The following DCUN1D2 variants were observed in gnomAD, a reference collection of about 807,000 sequenced individuals.
DCUN1D2 encodes defective in cullin neddylation 1 domain containing 2.
Under a neutral mutation model 30.9 loss-of-function variants are expected in DCUN1D2, and 29 were observed. That is an observed-to-expected ratio of 0.94 (90% confidence interval 0.70 to 1.28). The LOEUF (loss-of-function observed/expected upper bound fraction) is 1.28, where lower values mean the gene tolerates loss of function less well. DCUN1D2 is among the 50% of genes most tolerant of loss of function. The pLI is 0.00. For missense variants in DCUN1D2, 325 were observed against 316.9 expected (o/e 1.03, Z -0.19); for synonymous variants, 121 against 115.3 (o/e 1.05, Z -0.32).
chr13:113,459,409 C>T lies in DCUN1D2; in HGVS notation c.604-1G>A, dbSNP rs945471601. ...TTGGAATTGATCTTTTGTGATGTTCCTAATATATGAGAGAAAAAAAAAACC... is the reference window on the plus strand; with the variant it reads ...TTGGAATTGATCTTTTGTGATGTTCTTAATATATGAGAGAAAAAAAAAACC... On this transcript the variant is annotated splice_acceptor_variant, in intron 5 of 6. Coordinates refer to ENST00000478244, the MANE Select transcript of DCUN1D2 (RefSeq NM_001014283.2). LOFTEE classifies it high-confidence loss of function. The T allele has an allele frequency of 7.4e-6, 11 of 1,481,036 alleles. No individual in the cohort carries two copies. The highest frequency in any genetic ancestry group is 9.4e-6 in the Non-Finnish European group (10 of 1,063,032). The allele number at this position is 1,481,036 out of a possible 1,614,324, so 91.7% of individuals were successfully genotyped here. A position where few individuals can be genotyped will look rare whatever the true frequency, so the allele number is the denominator to read the frequency against.
intron 1 of DCUN1D2, among the ~76,000 whole-genome samples, chr13:113,487,504 C>G (rs981105161): frequency 6.6e-6 from 1 of 152,230 alleles, no homozygotes; most frequent in African/African-American, 2.4e-5. Flanking sequence ...ACGACTCCAG[C>G]TGCACAGTGT....
chr13:113,486,582 A>G (rs1239248627), intron 1 of DCUN1D2, among the ~76,000 whole-genome samples: 1 of 152,218 alleles, frequency 6.6e-6, no homozygotes, highest in African/African-American at 2.4e-5. Flanking sequence ...ATGCTAGGCA[A>G]TTAACATTTC....
chr13:113,490,358 G>T lies in DCUN1D2; in HGVS notation c.3+309C>A. ...TCGAAGCCGCCCTGGGAAGCCCCCGGCCTGGGTTCCCGCTCGGCCCCGGCC... is the reference window on the plus strand; with the variant it reads ...TCGAAGCCGCCCTGGGAAGCCCCCGTCCTGGGTTCCCGCTCGGCCCCGGCC... On this transcript the variant is annotated intron_variant, in intron 1 of 6. Transcript: ENST00000478244. This position sits in a 1 kb window ranked among gnomAD's most constrained non-coding sequence, Gnocchi z 5.2. 2 of 276,844 alleles carry T rather than the reference G, an allele frequency of 7.2e-6. No individual in the cohort carries two copies. The highest frequency in any genetic ancestry group is 5.4e-5 in the Admixed American group (1 of 18,512). The allele number at this position is 276,844 out of a possible 1,614,324, so 17.1% of individuals were successfully genotyped here. A position where few individuals can be genotyped will look rare whatever the true frequency, so the allele number is the denominator to read the frequency against.
chr13:113,491,276 G>A (rs1383105999), upstream of DCUN1D2: 1 of 152,392 alleles, frequency 6.6e-6, no homozygotes, highest in African/African-American at 2.4e-5. Context: ...GCGTCCCGGT[G>A]AGCACCAGGC....
At chr13:113,484,308 C>G (rs1689219293) in intron 1 of DCUN1D2, 3 of 676,484 alleles carry the variant, frequency 4.4e-6, no homozygotes, top group South Asian at 2.0e-5. Flanking sequence ...ATCCAGTTCA[C>G]TCTGCATGAA....
chr13:113,484,172 T>C, intron 1 of DCUN1D2, 116 bp from the exon 2 acceptor site: 1 of 1,510,630 alleles, frequency 6.6e-7, no homozygotes, highest in Non-Finnish European at 8.8e-7. Flanking sequence ...TTGCTCTTCA[T>C]CAGTTACAAA....
Position 113,490,582 on chromosome 13 carries a change from C to A in DCUN1D2, c.3+85G>T, listed in dbSNP as rs533789986. ...GCGCAGCTCGCTGGGCTCGGCCTCC[C>A]ACATCCAGCGCGCCGCCTGCGCCGA... On this transcript the variant is annotated intron_variant, in intron 1 of 6. Coordinates refer to ENST00000478244, the MANE Select transcript of DCUN1D2 (RefSeq NM_001014283.2). The surrounding 1 kb of genome is among the most constrained non-coding windows in gnomAD (Gnocchi z 5.2). 1.9e-3 allele frequency: 2,256 copies of A among 1,170,802 alleles called. 15 individuals carry two copies. The highest frequency in any genetic ancestry group is 0.015 in the African/African-American group (963 of 62,160). The allele number at this position is 1,170,802 out of a possible 1,614,324, so 72.5% of individuals were successfully genotyped here. A position where few individuals can be genotyped will look rare whatever the true frequency, so the allele number is the denominator to read the frequency against.
intron 4 of DCUN1D2, among the ~76,000 whole-genome samples, chr13:113,471,355 C>T (rs1214820554): frequency 1.3e-5 from 2 of 151,552 alleles, no homozygotes. Flanking sequence ...AGACCCAACT[C>T]CACAGGGGAC....
chr13:113,474,211 C>T lies in DCUN1D2; in HGVS notation c.433G>A (p.Glu145Lys), dbSNP rs1486565542. The change falls in exon 4 of 7, where the codon GAG becomes AAG. Residue 145 changes from glutamate to lysine, a missense_variant. Physicochemically the swap from Glu to Lys is moderately conservative, Grantham distance 56. Transcript: ENST00000478244. ...EKLKALLPRL[E>K]QELKDTAKFK... ...TTGGCTGTGTCCTTCAGCTCCTGCT[C>T]CAGTCTTGGCAGAAGAGCCTTTAGC... The T allele has an allele frequency of 1.2e-6, 2 of 1,614,112 alleles. No individual in the cohort carries two copies. Among genetic ancestry groups the T allele is most frequent in the Non-Finnish European group, 1.7e-6 (2 of 1,179,984 alleles).
rs1355351052 is a variant in DCUN1D2 at position 113,488,519 on chromosome 13, GGA to G, written c.3+2146_3+2147del. 6.6e-6 allele frequency among the ~76,000 whole-genome samples: 1 copy of G among 152,200 alleles called. No individual in the cohort carries two copies. On this transcript the variant is annotated intron_variant, in intron 1 of 6. Coordinates refer to ENST00000478244, the MANE Select transcript of DCUN1D2 (RefSeq NM_001014283.2). The surrounding 1 kb of genome is among the most constrained non-coding windows in gnomAD (Gnocchi z 4.3). ...AAGGGAACTGGCATAAAGCTTCTTAGGAAACAAAAAGGCTCGTCAACTAAAAA... is the reference window on the plus strand; with the variant it reads ...AAGGGAACTGGCATAAAGCTTCTTAGAACAAAAAGGCTCGTCAACTAAAAA...
At chr13:113,487,005 G>T (rs2044816808) in intron 1 of DCUN1D2, among the ~76,000 whole-genome samples, 1 of 152,196 alleles carries the variant, frequency 6.6e-6, no homozygotes, top group Non-Finnish European at 1.5e-5. Flanking sequence ...GGAATAAATG[G>T]AATACATATT....
At position 113,490,647 on chromosome 13, in the gene DCUN1D2, G is replaced by T. The variant is rs1594137956; in HGVS notation, c.3+20C>A. ...CCCGACCCCGACCCCGACGGGCAGA[G>T]GCGACGCCGGGCCACCTACCATCTC... is the stretch of plus-strand genomic sequence containing the variant. On this transcript the variant is annotated intron_variant, in intron 1 of 6. Transcript: ENST00000478244. The surrounding 1 kb of genome is among the most constrained non-coding windows in gnomAD (Gnocchi z 5.2). The T allele has an allele frequency of 1.6e-6, 2 of 1,243,416 alleles. No homozygotes were observed. Among genetic ancestry groups the T allele is most frequent in the South Asian group, 2.9e-5 (1 of 34,896 alleles). 77.0% of individuals were successfully genotyped at this position (1,243,416 alleles called of 1,614,324 possible). A position where few individuals can be genotyped will look rare whatever the true frequency, so the allele number is the denominator to read the frequency against.
chr13:113,469,144 GCACACACACACA>G (rs151101835), intron 4 of DCUN1D2, among the ~76,000 whole-genome samples: 45 of 148,156 alleles, frequency 3.0e-4, no homozygotes, highest in African/African-American at 1.1e-3. Flanking sequence ...CTACACGCCT[GCACACACACACA>G]CACACACACA....
At chr13:113,459,012 G>C (rs754144354) in intron 6 of DCUN1D2, among the ~76,000 whole-genome samples, 1 of 152,174 alleles carries the variant, frequency 6.6e-6, no homozygotes, top group East Asian at 1.9e-4. Context: ...GGCATCATGC[G>C]GGACTGAGAA....
intron 1 of DCUN1D2, among the ~76,000 whole-genome samples, chr13:113,485,380 T>G (rs1051632749): frequency 6.6e-6 from 1 of 152,126 alleles, no homozygotes; most frequent in South Asian, 2.1e-4. Flanking sequence ...AGGGGTGCCA[T>G]TAGTACAAGG....
At chr13:113,480,411 G>A in intron 3 of DCUN1D2, 164 bp downstream of exon 3, 1 of 505,790 alleles carries the variant, frequency 2.0e-6, no homozygotes, top group Admixed American at 4.1e-5. Flanking sequence ...AAATTAAAAG[G>A]AAACCAAAGG....
intron 4 of DCUN1D2, among the ~76,000 whole-genome samples, chr13:113,463,815 C>CA (rs2139682494): frequency 6.6e-6 from 1 of 152,086 alleles, no homozygotes; most frequent in African/African-American, 2.4e-5. Context: ...TAAACAGACA[C>CA]AAACACACAC....
intron 3 of DCUN1D2, among the ~76,000 whole-genome samples, chr13:113,478,667 T>C (rs180864758): frequency 3.3e-5 from 5 of 152,318 alleles, no homozygotes; most frequent in Admixed American, 2.0e-4. Context: ...ATTCAAGATA[T>C]TTTCTAATTT....
In DCUN1D2 at chr13:113,466,801, ATTTT is replaced by A. The variant is rs112063279; in HGVS notation, c.521-5669_521-5666del. Among the ~76,000 whole-genome samples the A allele has an allele frequency of 2.7e-4, 30 of 109,800 alleles. No homozygotes were observed. In the East Asian group the frequency reaches 6.4e-3, roughly 23 times the overall value. The allele number at this position is 109,800 out of a possible 152,430, so 72.0% of individuals were successfully genotyped here. ...CCCCATTGCTGTCACTGTCCTTTGGATTTTTTTTTTTTTTTTTTTTTTTTTGAGA... is the reference window on the plus strand; with the variant it reads ...CCCCATTGCTGTCACTGTCCTTTGGATTTTTTTTTTTTTTTTTTTTTGAGA... On this transcript the variant is annotated intron_variant, in intron 4 of 6. Coordinates refer to ENST00000478244, the MANE Select transcript of DCUN1D2 (RefSeq NM_001014283.2).
Sources: gnomAD v4.1 joint callset for allele counts (sites outside exome capture counted in the v4.1 genomes callset) on GRCh38, gnomAD v4.1.1 for gene constraint, Gnocchi (gnomAD v3.1) non-coding constraint, MANE v1.5 for transcripts, NCBI Gene and HGNC (gene_info 2026-07-23, HGNC 2026-07-21) for gene names.